PIP4K2A: variants seen among roughly 807,000 people sequenced by gnomAD.
The protein encoded by PIP4K2A is phosphatidylinositol 5-phosphate 4-kinase type-2 alpha.
A neutral mutation model predicts 42.9 loss-of-function variants in PIP4K2A; 14 were observed. The ratio of observed to expected loss-of-function variants is 0.33; its 90% CI spans 0.22 to 0.51. The LOEUF is 0.51. PIP4K2A is among the 20% of genes least tolerant of loss of function. The pLI, the probability that PIP4K2A is intolerant of heterozygous loss-of-function variation, is 0.97. For synonymous variants in PIP4K2A, 192 were observed against 192.2 expected (o/e 1.00, Z 0.01); for missense variants, 434 against 519.8 (o/e 0.83, Z 1.61).
intron 1 of PIP4K2A, among the ~76,000 whole-genome samples, chr10:22,696,857 T>TA (rs1170255965): frequency 6.6e-6 from 1 of 152,128 alleles, no homozygotes; most frequent in African/African-American, 2.4e-5. Context: ...ATTCAAGCTT[T>TA]AAAAAATAAG....
At position 22,609,774 on chromosome 10, in the gene PIP4K2A, G is replaced by T. The variant is rs987278900; in HGVS notation, c.145-57C>A. 5.9e-6 allele frequency: 6 copies of T among 1,016,754 alleles called. No individual in the cohort carries two copies. In the African/African-American group the frequency reaches 8.1e-5, roughly 14 times the overall value. 63.0% of individuals were successfully genotyped at this position (1,016,754 alleles called of 1,614,324 possible). A position where few individuals can be genotyped will look rare whatever the true frequency, so the allele number is the denominator to read the frequency against. On this transcript the variant is annotated intron_variant, in intron 1 of 9. Transcript: ENST00000376573. ...ATTACTATCCAGGTGAGGAGGACTTGACTTGAATGTGTACCTTGGGAAAAA... is the reference window on the plus strand; with the variant it reads ...ATTACTATCCAGGTGAGGAGGACTTTACTTGAATGTGTACCTTGGGAAAAA...
rs185293881 is a variant in PIP4K2A at position 22,579,090 on chromosome 10, C to T, written c.493-5633G>A. ...AATAAGTAGGAAAAAAGGCATATGT[C>T]GGGCATGAAAGGAGGAAAAGAGGGT... On this transcript the variant is annotated intron_variant, in intron 4 of 9. Coordinates refer to ENST00000376573, the MANE Select transcript of PIP4K2A (RefSeq NM_005028.5). Among the ~76,000 whole-genome samples the T allele has an allele frequency of 9.2e-5, 14 of 151,858 alleles. No homozygotes were observed. In the East Asian group the frequency reaches 2.7e-3, roughly 29 times the overall value.
At chr10:22,714,117 G>C (rs1346337321) in intron 1 of PIP4K2A, 66 bp downstream of exon 1, 3 of 1,477,456 alleles carry the variant, frequency 2.0e-6, no homozygotes, top group Non-Finnish European at 2.7e-6. Flanking sequence ...GCAGCCGGAG[G>C]AGGAGGGGAA....
chr10:22,571,334 G>A (rs1005637133), intron 5 of PIP4K2A, among the ~76,000 whole-genome samples: 1 of 152,188 alleles, frequency 6.6e-6, no homozygotes, highest in Non-Finnish European at 1.5e-5. Context: ...ACAACTGACA[G>A]GGCTTGTGGC....
intron 1 of PIP4K2A, among the ~76,000 whole-genome samples, chr10:22,706,916 A>G (rs1027011840): frequency 1.3e-5 from 2 of 152,202 alleles, no homozygotes; most frequent in Non-Finnish European, 2.9e-5. Context: ...GTTCTACTAC[A>G]AAACAGGATA....
At chr10:22,685,219 G>C (rs186979407) in intron 1 of PIP4K2A, among the ~76,000 whole-genome samples, 2 of 152,004 alleles carry the variant, frequency 1.3e-5, no homozygotes, top group African/African-American at 4.8e-5. Context: ...TTTTTAAAAG[G>C]AGTTTAAGAG....
chr10:22,590,995 G>A (rs148468841), intron 4 of PIP4K2A, among the ~76,000 whole-genome samples: 5 of 152,206 alleles, frequency 3.3e-5, no homozygotes, highest in African/African-American at 9.6e-5. Context: ...CTCACAGCGC[G>A]GGCTGGGCCT....
intron 1 of PIP4K2A, among the ~76,000 whole-genome samples, chr10:22,703,856 G>A (rs1212870408): frequency 7.2e-5 from 11 of 152,146 alleles, no homozygotes; most frequent in Admixed American, 6.5e-4. Flanking sequence ...TGTGGAGAAG[G>A]AGTGGGGAGA....
intron 1 of PIP4K2A, among the ~76,000 whole-genome samples, chr10:22,701,009 T>C (rs1588715145): frequency 1.3e-5 from 2 of 152,160 alleles, no homozygotes; most frequent in African/African-American, 4.8e-5. Flanking sequence ...CACATACCCT[T>C]TATGCTTTTC....
At chr10:22,676,970 G>A (rs1413860020) in intron 1 of PIP4K2A, among the ~76,000 whole-genome samples, 1 of 152,140 alleles carries the variant, frequency 6.6e-6, no homozygotes, top group South Asian at 2.1e-4. Context: ...TACAATCTGT[G>A]CCACCAATAC....
Position 22,535,142 on chromosome 10 carries a change from A to G in PIP4K2A, c.*2059T>C, listed in dbSNP as rs1156285493. On this transcript the variant is annotated 3_prime_UTR_variant, in exon 10 of 10. Transcript: ENST00000376573. ...AAATAAAAGCATTCTGTAAACTTCT[A>G]AAAGCATACACAGATTGGCCCCCAA... The G allele has an allele frequency of 1.3e-5, 2 of 152,232 alleles. No homozygotes were observed. The highest frequency in any genetic ancestry group is 4.8e-5 in the African/African-American group (2 of 41,458). 9.4% of individuals were successfully genotyped at this position (152,232 alleles called of 1,614,324 possible).
intron 1 of PIP4K2A, among the ~76,000 whole-genome samples, chr10:22,711,337 CA>C (rs1374082303): frequency 2.0e-5 from 3 of 148,764 alleles, no homozygotes; most frequent in African/African-American, 7.3e-5. Flanking sequence ...TTCAATATAA[CA>C]AACCCTTAGT....
At chr10:22,678,900 T>A (rs1839611380) in intron 1 of PIP4K2A, among the ~76,000 whole-genome samples, 1 of 152,256 alleles carries the variant, frequency 6.6e-6, no homozygotes, top group African/African-American at 2.4e-5. Context: ...TGAAAAAGAA[T>A]GTGTTCCCTA....
intron 1 of PIP4K2A, among the ~76,000 whole-genome samples, chr10:22,682,939 A>G (rs1839690944): frequency 6.6e-6 from 1 of 152,176 alleles, no homozygotes; most frequent in South Asian, 2.1e-4. Flanking sequence ...TTGGGAATGA[A>G]CAATGTGCGG....
intron 4 of PIP4K2A, among the ~76,000 whole-genome samples, chr10:22,577,474 C>G (rs953973234): frequency 2.0e-5 from 3 of 152,164 alleles, no homozygotes; most frequent in Non-Finnish European, 4.4e-5. Context: ...TCTCGCCAAG[C>G]CATGCCAGCT....
intron 1 of PIP4K2A, among the ~76,000 whole-genome samples, chr10:22,706,218 T>G (rs542756045): frequency 7.7e-4 from 117 of 152,152 alleles, no homozygotes; most frequent in Non-Finnish European, 1.4e-3. Flanking sequence ...AGCTGGGAGA[T>G]TCTATCTAAT....
chr10:22,612,780 T>C (rs1838083590), intron 1 of PIP4K2A, among the ~76,000 whole-genome samples: 1 of 152,206 alleles, frequency 6.6e-6, no homozygotes, highest in South Asian at 2.1e-4. Flanking sequence ...AGTTCAGTTT[T>C]GAGCTTGTTA....
intron 1 of PIP4K2A, among the ~76,000 whole-genome samples, chr10:22,629,666 T>C (rs534632167): frequency 5.3e-5 from 8 of 152,342 alleles, no homozygotes; most frequent in African/African-American, 1.9e-4. Context: ...GGAAATGTCA[T>C]TTTCCTAACT....
chr10:22,565,760 T>C (rs773415952), intron 6 of PIP4K2A, among the ~76,000 whole-genome samples: 1 of 152,126 alleles, frequency 6.6e-6, no homozygotes, highest in Non-Finnish European at 1.5e-5. Flanking sequence ...ATGGGAGAAA[T>C]ATCGCTGAAT....
Sources: allele counts gnomAD v4.1 joint callset (sites outside exome capture counted in the v4.1 genomes callset), GRCh38; gene constraint gnomAD v4.1.1; transcripts MANE v1.5; gene names NCBI Gene and HGNC (gene_info 2026-07-23, HGNC 2026-07-21).